KAZN: variants seen among roughly 807,000 people sequenced by gnomAD.
KAZN encodes kazrin.
A neutral mutation model predicts 87.4 loss-of-function variants in KAZN; 40 were observed. The ratio of observed to expected loss-of-function variants is 0.46; its 90% CI spans 0.36 to 0.60. KAZN has a LOEUF of 0.60. KAZN is among the 20% of genes least tolerant of loss of function. KAZN has a pLI of 0.00. For synonymous variants in KAZN, 466 were observed against 458.3 expected, an observed-to-expected ratio of 1.02 and a Z score of -0.22; for missense variants, 898 against 1,073.9, an observed-to-expected ratio of 0.84 and a Z score of 2.29.
At chr1:14,233,093 T>TA (rs1370605804) in intron 2 of KAZN, among the ~76,000 whole-genome samples, 2 of 152,138 alleles carry the variant, frequency 1.3e-5, no homozygotes, top group East Asian at 3.9e-4. Context: ...TCAGTATCCT[T>TA]ATGTGTAAAA....
At chr1:13,927,669 G>A (rs990416480) in intron 1 of KAZN, among the ~76,000 whole-genome samples, 20 of 151,590 alleles carry the variant, frequency 1.3e-4, no homozygotes, top group African/African-American at 3.9e-4. Context: ...AAATACAGTG[G>A]ATGCAGGATG....
chr1:14,506,085 A>G (rs775413238), intron 2 of KAZN, among the ~76,000 whole-genome samples: 6 of 152,216 alleles, frequency 3.9e-5, no homozygotes, highest in Non-Finnish European at 7.3e-5. Flanking sequence ...AATCTTATGT[A>G]TATTTTACAA....
chr1:14,009,732 T>A (rs1176927626), intron 1 of KAZN, among the ~76,000 whole-genome samples: 2 of 152,202 alleles, frequency 1.3e-5, no homozygotes, highest in Non-Finnish European at 2.9e-5. Context: ...TTACTATGCA[T>A]TTACTGTGGG....
intron 2 of KAZN, among the ~76,000 whole-genome samples, chr1:14,444,912 C>G (rs1666896349): frequency 6.6e-6 from 1 of 152,124 alleles, no homozygotes; most frequent in Admixed American, 6.5e-5. Context: ...CCAAAATTCA[C>G]ATATTGAAGC....
intron 1 of KAZN, among the ~76,000 whole-genome samples, chr1:13,982,652 G>A (rs1638792054): frequency 6.6e-6 from 1 of 152,120 alleles, no homozygotes; most frequent in South Asian, 2.1e-4. Context: ...ACAGGGCGCT[G>A]ATTGGTGCGT....
chr1:14,170,658 A>C (rs1161698941), intron 1 of KAZN, among the ~76,000 whole-genome samples: 1 of 152,214 alleles, frequency 6.6e-6, no homozygotes, highest in African/African-American at 2.4e-5. Flanking sequence ...ATTGCCACAA[A>C]AGGAAACCCT....
At chr1:14,071,248 G>T (rs1451047206) in intron 1 of KAZN, among the ~76,000 whole-genome samples, 3 of 152,172 alleles carry the variant, frequency 2.0e-5, no homozygotes, top group Non-Finnish European at 2.9e-5. Flanking sequence ...TTCAGGGTCT[G>T]TTTGGGGAAC....
At chr1:14,968,563 C>T (rs1488239103) in intron 2 of KAZN, among the ~76,000 whole-genome samples, 1 of 152,226 alleles carries the variant, frequency 6.6e-6, no homozygotes, top group Non-Finnish European at 1.5e-5. Context: ...ACTGCCCTCT[C>T]TCAGGGCTTA....
chr1:14,464,391 A>C (rs1668005376), intron 2 of KAZN, among the ~76,000 whole-genome samples: 1 of 152,126 alleles, frequency 6.6e-6, no homozygotes, highest in South Asian at 2.1e-4. Flanking sequence ...TTAGAGAAAT[A>C]ATTGGCCTTT....
intron 2 of KAZN, among the ~76,000 whole-genome samples, chr1:14,525,237 A>G (rs1451937961): frequency 6.6e-6 from 1 of 152,294 alleles, no homozygotes. Flanking sequence ...AGCTATTCTT[A>G]GCTTGCCAGC....
chr1:15,069,233 C>T (rs1016283620), intron 8 of KAZN, among the ~76,000 whole-genome samples: 23 of 152,108 alleles, frequency 1.5e-4, no homozygotes, highest in African/African-American at 4.8e-4. Flanking sequence ...CTGCCCATCC[C>T]GAAGTGGCCT....
At chr1:15,065,878 G>A in intron 8 of KAZN, 125 bp downstream of exon 8, 1 of 1,519,428 alleles carries the variant, frequency 6.6e-7, no homozygotes, top group Non-Finnish European at 8.8e-7. Context: ...GTGCGCGTGT[G>A]GCCGTGCGTG....
chr1:14,366,047 CATAAT>C (rs982070377), intron 2 of KAZN, among the ~76,000 whole-genome samples: 3 of 152,126 alleles, frequency 2.0e-5, no homozygotes, highest in African/African-American at 7.2e-5. Context: ...AATCTGGTGA[CATAAT>C]AAAAAGGAAA....
intron 1 of KAZN, among the ~76,000 whole-genome samples, chr1:14,789,553 G>A (rs1194611409): frequency 6.6e-6 from 1 of 151,886 alleles, no homozygotes; most frequent in Non-Finnish European, 1.5e-5. Context: ...ACCCTTCCAG[G>A]TTCATCTCTG....
chr1:15,063,784 G>A (rs1247266376), intron 7 of KAZN, among the ~76,000 whole-genome samples, 162 bp downstream of exon 7: 3 of 151,284 alleles, frequency 2.0e-5, no homozygotes, highest in Non-Finnish European at 4.4e-5. Flanking sequence ...ACCCAAGGCG[G>A]AGAGGATTTA....
At chr1:14,466,673 A>AAAAAG (rs1553176381) in intron 2 of KAZN, among the ~76,000 whole-genome samples, 1 of 141,598 alleles carries the variant, frequency 7.1e-6, no homozygotes, top group Admixed American at 6.9e-5. Flanking sequence ...AAAAAAAAAA[A>AAAAAG]AAGAAGAAGA....
At chr1:14,882,999 CA>C (rs925010737) in intron 1 of KAZN, among the ~76,000 whole-genome samples, 6 of 151,974 alleles carry the variant, frequency 3.9e-5, no homozygotes, top group African/African-American at 1.4e-4. Flanking sequence ...ATGGGTAACT[CA>C]AAAAGTGGTT....
chr1:14,249,946 C>T (rs1214778026), intron 2 of KAZN, among the ~76,000 whole-genome samples: 1 of 152,084 alleles, frequency 6.6e-6, no homozygotes, highest in African/African-American at 2.4e-5. Context: ...CCTGATACTA[C>T]TCGGGCTTCC....
At chr1:14,457,199 C>T (rs1452111491) in intron 2 of KAZN, among the ~76,000 whole-genome samples, 1 of 152,226 alleles carries the variant, frequency 6.6e-6, no homozygotes, top group Non-Finnish European at 1.5e-5. Flanking sequence ...TACCACCAAA[C>T]TCGGCATTAT....
Sources: gnomAD v4.1 joint callset for allele counts (sites outside exome capture counted in the v4.1 genomes callset) on GRCh38, gnomAD v4.1.1 for gene constraint, MANE v1.5 for transcripts, NCBI Gene and HGNC (gene_info 2026-07-23, HGNC 2026-07-21) for gene names.